The following CLEC2D variants were observed in gnomAD, a reference collection of about 807,000 sequenced individuals.
The protein encoded by CLEC2D is C-type lectin related f.
CLEC2D carries 16 observed loss-of-function variants against 20.0 expected under a neutral mutation model. The observed-to-expected ratio is 0.80, with a 90% CI of 0.54 to 1.22. The LOEUF is 1.22. CLEC2D is among the 50% of genes most tolerant of loss of function. The pLI is 0.00. For missense variants in CLEC2D, 207 were observed against 221.5 expected (o/e 0.93, Z 0.42); for synonymous variants, 77 against 71.1 (o/e 1.08, Z -0.42).
rs3764022 is a variant in CLEC2D at position 9,680,928 on chromosome 12, C to G, written c.67C>G (p.Leu23Val). 466,593 of 1,502,758 alleles carry G rather than the reference C, an allele frequency of 0.31. 75,298 individuals carry two copies. Among genetic ancestry groups the G allele is most frequent in the South Asian group, 0.42 (37,192 of 87,982 alleles). The allele number at this position is 1,502,758 out of a possible 1,614,324, so 93.1% of individuals were successfully genotyped here. ...PSELPANPGC[L>V]HSKEHSIKAT... ...TTTTCAATAATTTTTTCCAGGTTGT[C>G]TGCATTCAAAAGAGCATTCTATTAA... The change falls in exon 2 of 5, where the codon CTG becomes GTG. Residue 23 changes from leucine (L) to valine (V), a missense_variant. By Grantham distance (32) the Leu-to-Val change is conservative. Coordinates refer to ENST00000290855, the MANE Select transcript of CLEC2D (RefSeq NM_013269.6).
intron 2 of CLEC2D, among the ~76,000 whole-genome samples, chr12:9,687,295 A>G (rs2120952855): frequency 6.6e-6 from 1 of 152,310 alleles, no homozygotes; most frequent in East Asian, 1.9e-4. Flanking sequence ...GGAGCCCACA[A>G]CCTAGATTCC....
At chr12:9,683,894 T>TC (rs1865697298) in intron 2 of CLEC2D, among the ~76,000 whole-genome samples, 2 of 152,040 alleles carry the variant, frequency 1.3e-5, no homozygotes, top group Admixed American at 6.5e-5. Context: ...AAGTTTTTTT[T>TC]TTTTTAATTC....
Position 9,696,272 on chromosome 12 carries a change from T to A in CLEC2D, c.*1398T>A. On this transcript the variant is annotated 3_prime_UTR_variant, in exon 5 of 5. Transcript: ENST00000290855. The stretch of plus-strand genomic sequence containing the variant: ...AATTTGTTAAAAATTTTCCATCTTA[T>A]TTCATTTCTGTAACAGTTGATATCT... The A allele has an allele frequency of 1.3e-6, 1 of 741,364 alleles. No individual in the cohort carries two copies. The highest frequency in any genetic ancestry group is 2.4e-6 in the Non-Finnish European group (1 of 410,126). The allele number at this position is 741,364 out of a possible 1,614,324, so 45.9% of individuals were successfully genotyped here.
rs1012519451 is a variant in CLEC2D at position 9,697,480 on chromosome 12, C to A, written c.*2606C>A. ...ATAAATACATGGGTAAATCTCTGTT[C>A]TGGGCTCTCAGCTCTGAAGGCTGTG... On this transcript the variant is annotated 3_prime_UTR_variant, in exon 5 of 5. Coordinates refer to ENST00000290855, the MANE Select transcript of CLEC2D (RefSeq NM_013269.6). The A allele has an allele frequency of 1.3e-5, 2 of 152,122 alleles. No homozygotes were observed. The highest frequency in any genetic ancestry group is 2.9e-5 in the Non-Finnish European group (2 of 68,028). 9.4% of individuals were successfully genotyped at this position (152,122 alleles called of 1,614,324 possible).
chr12:9,690,409 G>A (rs1865838276), intron 3 of CLEC2D, among the ~76,000 whole-genome samples: 2 of 152,016 alleles, frequency 1.3e-5, no homozygotes, highest in Admixed American at 1.3e-4. Flanking sequence ...CAGCAATTCA[G>A]AGCCTCCAAA....
chr12:9,687,610 G>A (rs1019339471), intron 2 of CLEC2D, among the ~76,000 whole-genome samples: 11 of 152,138 alleles, frequency 7.2e-5, no homozygotes, highest in Non-Finnish European at 1.5e-4. Flanking sequence ...TTTTAAGAAA[G>A]GGTAACACTG....
rs1433165836 is a variant in CLEC2D at position 9,697,676 on chromosome 12, A to C, written c.*2802A>C. The C allele has an allele frequency of 6.6e-6, 1 of 151,866 alleles. No homozygotes were observed. Among genetic ancestry groups the C allele is most frequent in the Non-Finnish European group, 1.5e-5 (1 of 68,004 alleles). The allele number at this position is 151,866 out of a possible 1,614,324, so 9.4% of individuals were successfully genotyped here. On this transcript the variant is annotated 3_prime_UTR_variant, in exon 5 of 5. Coordinates refer to ENST00000290855, the MANE Select transcript of CLEC2D (RefSeq NM_013269.6). ...ATATATACTAAGTGAAATAAGCCAG[A>C]CACAGAAAAAAAATGTTGCATGATC...
chr12:9,678,959 A>G (rs992660396), intron 1 of CLEC2D, among the ~76,000 whole-genome samples: 3 of 152,212 alleles, frequency 2.0e-5, no homozygotes, highest in Non-Finnish European at 2.9e-5. Flanking sequence ...TGGTTACCCT[A>G]GTGTTTGCAA....
chr12:9,694,744 G>C lies in CLEC2D; in HGVS notation c.462-16G>C. ...AAATGTTCAGTGGCCAACTGATTCT[G>C]CTTCTTCTCTTGCAGGTTTCCTATC... On this transcript the variant is annotated splice_polypyrimidine_tract_variant and intron_variant, in intron 4 of 4. Coordinates refer to ENST00000290855, the MANE Select transcript of CLEC2D (RefSeq NM_013269.6). The C allele has an allele frequency of 7.0e-7, 1 of 1,427,408 alleles. No homozygotes were observed. The highest frequency in any genetic ancestry group is 1.1e-5 in the South Asian group (1 of 87,194). 88.4% of individuals were successfully genotyped at this position (1,427,408 alleles called of 1,614,324 possible).
At position 9,680,904 on chromosome 12, in the gene CLEC2D, T is replaced by C. The variant is rs1289469227; in HGVS notation, c.62-19T>C. The C allele has an allele frequency of 8.2e-7, 1 of 1,217,072 alleles. No individual in the cohort carries two copies. The allele number at this position is 1,217,072 out of a possible 1,614,324, so 75.4% of individuals were successfully genotyped here. On this transcript the variant is annotated intron_variant, in intron 1 of 4. Transcript: ENST00000290855. ...GTCTGTATTTAATTGTTAAAATGTT[T>C]TTCAATAATTTTTTCCAGGTTGTCT...
chr12:9,671,555 T>C (rs1403853907), intron 1 of CLEC2D, among the ~76,000 whole-genome samples: 2 of 152,238 alleles, frequency 1.3e-5, no homozygotes, highest in African/African-American at 2.4e-5. Context: ...GGCTATTGCA[T>C]GTTGCTGTAG....
At chr12:9,681,427 G>T (rs1004946283) in intron 2 of CLEC2D, among the ~76,000 whole-genome samples, 1 of 152,134 alleles carries the variant, frequency 6.6e-6, no homozygotes. Context: ...CTACTAAGTG[G>T]CTGTATAACA....
At chr12:9,672,716 G>T (rs1336793344) in intron 1 of CLEC2D, among the ~76,000 whole-genome samples, 1 of 152,028 alleles carries the variant, frequency 6.6e-6, no homozygotes, top group East Asian at 1.9e-4. Flanking sequence ...GGTAGGTTCG[G>T]TCTTTTTACA....
At position 9,697,787 on chromosome 12, in the gene CLEC2D, G is replaced by A. The variant is rs373673280; in HGVS notation, c.*2913G>A. On this transcript the variant is annotated 3_prime_UTR_variant, in exon 5 of 5. Coordinates refer to ENST00000290855, the MANE Select transcript of CLEC2D (RefSeq NM_013269.6). ...TTACCAGAGATGAGGAAAATACAGAGACACAGGTCAAAAGATACAGAGTTG... is the reference window on the plus strand; with the variant it reads ...TTACCAGAGATGAGGAAAATACAGAAACACAGGTCAAAAGATACAGAGTTG... The A allele has an allele frequency of 2.0e-5, 3 of 152,080 alleles. No homozygotes were observed. The highest frequency in any genetic ancestry group is 7.2e-5 in the African/African-American group (3 of 41,398). 9.4% of individuals were successfully genotyped at this position (152,080 alleles called of 1,614,324 possible). A position where few individuals can be genotyped will look rare whatever the true frequency, so the allele number is the denominator to read the frequency against.
At chr12:9,672,090 A>G (rs183923656) in intron 1 of CLEC2D, among the ~76,000 whole-genome samples, 2 of 152,252 alleles carry the variant, frequency 1.3e-5, no homozygotes, top group Admixed American at 6.5e-5. Flanking sequence ...ATAGTTCTGG[A>G]GGCTGGAAAG....
chr12:9,675,547 G>C (rs2120900990), intron 1 of CLEC2D, among the ~76,000 whole-genome samples: 1 of 152,300 alleles, frequency 6.6e-6, no homozygotes, highest in East Asian at 1.9e-4. Flanking sequence ...TGTAGTTTTA[G>C]AGTAAATCAT....
rs989302767 is a variant in CLEC2D, at chr12:9,695,151, G to C, written c.*277G>C. 1.7e-6 allele frequency: 1 copy of C among 582,022 alleles called. No homozygotes were observed. The highest frequency in any genetic ancestry group is 4.7e-4 in the Middle Eastern group (1 of 2,144). The allele number at this position is 582,022 out of a possible 1,614,324, so 36.1% of individuals were successfully genotyped here. On this transcript the variant is annotated 3_prime_UTR_variant, in exon 5 of 5. Coordinates refer to ENST00000290855, the MANE Select transcript of CLEC2D (RefSeq NM_013269.6). Reference sequence around the variant, plus strand: ...TTGACTCATAGTTCCACATGGCTGGGGAGGTCTTGCAATCATGACAGAAGG... The same window carrying C: ...TTGACTCATAGTTCCACATGGCTGGCGAGGTCTTGCAATCATGACAGAAGG...
chr12:9,677,984 A>G (rs542304743), intron 1 of CLEC2D, among the ~76,000 whole-genome samples: 3 of 152,018 alleles, frequency 2.0e-5, no homozygotes, highest in East Asian at 1.9e-4. Context: ...GGGCCTCCCA[A>G]AGTGCTGAGA....
chr12:9,693,780 C>T, intron 4 of CLEC2D: 2 of 437,054 alleles, frequency 4.6e-6, no homozygotes, highest in South Asian at 3.2e-5. Context: ...TAAATTTTCT[C>T]TACCTAATTC....
Sources: allele counts gnomAD v4.1 joint callset (sites outside exome capture counted in the v4.1 genomes callset), GRCh38; gene constraint gnomAD v4.1.1; transcripts MANE v1.5; gene names NCBI Gene and HGNC (gene_info 2026-07-23, HGNC 2026-07-21).